The following TGFB1I1 variants were observed in gnomAD, a reference collection of about 807,000 sequenced individuals.
TGFB1I1 encodes transforming growth factor beta-1-induced transcript 1 protein.
In TGFB1I1, 33 loss-of-function variants were observed where a neutral mutation model predicts 52.0. The ratio of observed to expected loss-of-function variants is 0.63; its 90% confidence interval spans 0.48 to 0.85. The LOEUF (loss-of-function observed/expected upper bound fraction) is 0.85, where lower values mean the gene tolerates loss of function less well. TGFB1I1 is among the 40% of genes least tolerant of loss of function. TGFB1I1 has a pLI of 0.00. For missense variants in TGFB1I1, 577 were observed against 614.9 expected (o/e 0.94, Z 0.65); for synonymous variants, 236 against 253.3 (o/e 0.93, Z 0.65).
chr16:31,475,821 C>T, intron 7 of TGFB1I1, 191 bp from the exon 8 acceptor site: 1 of 620,510 alleles, frequency 1.6e-6, no homozygotes, highest in Non-Finnish European at 2.8e-6. Context: ...ATGTATAGGT[C>T]AATCCTGGAG....
rs2082409123 is a variant in TGFB1I1, at chr16:31,474,317, G to GGCTCTGAGAT, written c.414-31_414-22dup. On this transcript the variant is annotated intron_variant, in intron 5 of 10. Transcript: ENST00000394863. This position sits in a 1 kb window ranked among gnomAD's most constrained non-coding sequence, Gnocchi z 4.2. Reference sequence around the variant, plus strand: ...CACTAGAGGGAGCGTTGCTCTGGGAGGCTCTGAGATGACACAAGCATGTTC... The same window carrying GGCTCTGAGAT: ...CACTAGAGGGAGCGTTGCTCTGGGAGGCTCTGAGATGCTCTGAGATGACACAAGCATGTTC... The GGCTCTGAGAT allele has an allele frequency of 6.2e-7, 1 of 1,613,828 alleles. No individual in the cohort carries two copies. Among genetic ancestry groups the GGCTCTGAGAT allele is most frequent in the Non-Finnish European group, 8.5e-7 (1 of 1,179,860 alleles).
At chr16:31,472,364 C>T in intron 1 of TGFB1I1, 163 bp downstream of exon 1, 2 of 1,209,688 alleles carry the variant, frequency 1.7e-6, no homozygotes, top group Non-Finnish European at 2.1e-6. Flanking sequence ...CTGCCTCTCC[C>T]TTCCTGCCTT....
intron 7 of TGFB1I1, 95 bp from the exon 8 acceptor site, chr16:31,475,917 G>A (rs964312165): frequency 1.3e-5 from 17 of 1,302,230 alleles, no homozygotes; most frequent in Non-Finnish European, 1.7e-5. Flanking sequence ...TATTCTGATC[G>A]CTCAGAGAGG....
In TGFB1I1 at chr16:31,477,735, G is replaced by C; in HGVS notation, c.*159G>C. 1 of 1,000,102 alleles carries C rather than the reference G, an allele frequency of 1.0e-6. No individual in the cohort carries two copies. The allele number at this position is 1,000,102 out of a possible 1,614,324, so 62.0% of individuals were successfully genotyped here. A position where few individuals can be genotyped will look rare whatever the true frequency, so the allele number is the denominator to read the frequency against. On this transcript the variant is annotated 3_prime_UTR_variant, in exon 11 of 11. Coordinates refer to ENST00000394863, the MANE Select transcript of TGFB1I1 (RefSeq NM_001042454.3). This position sits in a 1 kb window ranked among gnomAD's most constrained non-coding sequence, Gnocchi z 4.7. The stretch of plus-strand genomic sequence containing the variant: ...GTCCTCAGGGGTCAAGTTCAGAAAC[G>C]GCCCAGCCAGACCTAAACCCACACG...
At chr16:31,472,848 C>G (rs1044456884) in intron 1 of TGFB1I1, 1 of 152,516 alleles carries the variant, frequency 6.6e-6, no homozygotes, top group Non-Finnish European at 1.5e-5. Flanking sequence ...ATCTCGTCCT[C>G]CCTGCGAAGC....
Position 31,474,471 on chromosome 16 carries a change from G to C in TGFB1I1, c.519+16G>C. 6.2e-7 allele frequency: 1 copy of C among 1,614,030 alleles called. No homozygotes were observed. The highest frequency in any genetic ancestry group is 8.5e-7 in the Non-Finnish European group (1 of 1,180,004). On this transcript the variant is annotated intron_variant, in intron 6 of 10. Transcript: ENST00000394863. The surrounding 1 kb of genome is among the most constrained non-coding windows in gnomAD (Gnocchi z 4.2). ...TCAAAACCATGTGAGTTGGGCAGTG[G>C]GCCAGTGTCCATTTGTGGCTCCCCA...
chr16:31,474,009 G>C lies in TGFB1I1; in HGVS notation c.325+32G>C, dbSNP rs763833415. Reference sequence around the variant, plus strand: ...GGGTGACTGAGAGAGGCCTTGATGCGATAGGGGCAGGGGAGGGAAGGGTGG... The same window carrying C: ...GGGTGACTGAGAGAGGCCTTGATGCCATAGGGGCAGGGGAGGGAAGGGTGG... On this transcript the variant is annotated intron_variant, in intron 4 of 10. Coordinates refer to ENST00000394863, the MANE Select transcript of TGFB1I1 (RefSeq NM_001042454.3). The surrounding 1 kb of genome is among the most constrained non-coding windows in gnomAD (Gnocchi z 4.2). 5.2e-6 allele frequency: 7 copies of C among 1,358,824 alleles called. No homozygotes were observed. The highest frequency in any genetic ancestry group is 6.2e-6 in the Non-Finnish European group (6 of 968,780). The allele number at this position is 1,358,824 out of a possible 1,614,324, so 84.2% of individuals were successfully genotyped here. A position where few individuals can be genotyped will look rare whatever the true frequency, so the allele number is the denominator to read the frequency against.
In TGFB1I1 at chr16:31,472,257, TC is replaced by T. The variant is rs2082395655; in HGVS notation, c.13+60del. On this transcript the variant is annotated intron_variant, in intron 1 of 10. Coordinates refer to ENST00000394863, the MANE Select transcript of TGFB1I1 (RefSeq NM_001042454.3). ...CCCCTCACCGCTGCCCAGAGCTGCC[TC>T]CCCGCCGTCGCTCTCCCGCATCTCC... is the stretch of plus-strand genomic sequence containing the variant. The T allele has an allele frequency of 1.9e-5, 27 of 1,427,200 alleles. No individual in the cohort carries two copies. In the South Asian group the frequency reaches 3.6e-4, roughly 19 times the overall value. 88.4% of individuals were successfully genotyped at this position (1,427,200 alleles called of 1,614,324 possible). A position where few individuals can be genotyped will look rare whatever the true frequency, so the allele number is the denominator to read the frequency against.
Position 31,477,039 on chromosome 16 carries a change from G to C in TGFB1I1, c.1119+29G>C. ...CGAGCTGCGGGGCGGGGCGTTGGAG[G>C]GGCGGGTCAAGGGTACAGGGCTGTG... On this transcript the variant is annotated intron_variant, in intron 10 of 10. Transcript: ENST00000394863. The surrounding 1 kb of genome is among the most constrained non-coding windows in gnomAD (Gnocchi z 4.7). The C allele has an allele frequency of 6.5e-6, 10 of 1,545,946 alleles. No individual in the cohort carries two copies. The highest frequency in any genetic ancestry group is 8.7e-6 in the Non-Finnish European group (10 of 1,155,176).
Position 31,477,254 on chromosome 16 carries a change from T to C in TGFB1I1, c.1120-56T>C. 6.4e-7 allele frequency: 1 copy of C among 1,553,824 alleles called. No individual in the cohort carries two copies. The highest frequency in any genetic ancestry group is 1.2e-5 in the South Asian group (1 of 81,746). ...GGGCGTTATCCGCTAGTAACGCGCG[T>C]TGTCTGGCAGTGGCCGCTGACCTGT... On this transcript the variant is annotated intron_variant, in intron 10 of 10. Coordinates refer to ENST00000394863, the MANE Select transcript of TGFB1I1 (RefSeq NM_001042454.3). The surrounding 1 kb of genome is among the most constrained non-coding windows in gnomAD (Gnocchi z 4.7).
At position 31,472,160 on chromosome 16, in the gene TGFB1I1, C is replaced by A. The variant is rs749282105; in HGVS notation, c.-29C>A. On this transcript the variant is annotated 5_prime_UTR_variant, in exon 1 of 11. Transcript: ENST00000394863. ...CACCGGACACGGCCCCCGCCCTGTT[C>A]GCCCCGCGCCACCGGCCCGCGCCCC... The A allele has an allele frequency of 2.1e-5, 23 of 1,074,360 alleles. No homozygotes were observed. Among genetic ancestry groups the A allele is most frequent in the Admixed American group, 3.6e-5 (1 of 27,926 alleles). The allele number at this position is 1,074,360 out of a possible 1,614,324, so 66.6% of individuals were successfully genotyped here.
Position 31,477,405 on chromosome 16 carries a change from C to A in TGFB1I1, c.1215C>A (p.Cys405Ter). 1 of 1,608,466 alleles carries A rather than the reference C, an allele frequency of 6.2e-7. No homozygotes were observed. The highest frequency in any genetic ancestry group is 8.5e-7 in the Non-Finnish European group (1 of 1,178,022). ...NHFHARRGSLCATCGLPVTGR... is the reference protein window; with the variant it reads ...NHFHARRGSL Reference sequence around the variant, plus strand: ...TCCACGCACGACGCGGCTCGCTGTGCGCCACGTGTGGCCTCCCTGTGACCG... The same window carrying A: ...TCCACGCACGACGCGGCTCGCTGTGAGCCACGTGTGGCCTCCCTGTGACCG... The change falls in exon 11 of 11, where the codon TGC becomes TGA. Residue 405 changes from cysteine (C) to a stop codon, truncating the protein, a stop_gained. Transcript: ENST00000394863. LOFTEE classifies it high-confidence loss of function. This position sits in a 1 kb window ranked among gnomAD's most constrained non-coding sequence, Gnocchi z 4.7.
At position 31,477,348 on chromosome 16, in the gene TGFB1I1, G is replaced by A. The variant is rs2142600966; in HGVS notation, c.1158G>A (p.Glu386=). The change falls in exon 11 of 11, where the codon GAG becomes GAA. Residue 386 remains glutamate, a synonymous_variant. Transcript: ENST00000394863. This position sits in a 1 kb window ranked among gnomAD's most constrained non-coding sequence, Gnocchi z 4.7. ...FAPFSGGSFF[E]HEGRPLCENH... The stretch of plus-strand genomic sequence containing the variant: ...CCTTCTCGGGAGGCAGCTTTTTCGA[G>A]CACGAGGGCCGCCCGTTGTGCGAGA... 2 of 1,611,362 alleles carry A rather than the reference G, an allele frequency of 1.2e-6. No homozygotes were observed. The highest frequency in any genetic ancestry group is 2.2e-5 in the East Asian group (1 of 44,826).
In TGFB1I1 at chr16:31,477,173, G is replaced by A. The variant is rs2082431090; in HGVS notation, c.1120-137G>A. On this transcript the variant is annotated intron_variant, in intron 10 of 10. Transcript: ENST00000394863. This position sits in a 1 kb window ranked among gnomAD's most constrained non-coding sequence, Gnocchi z 4.7. ...GAACCTCGGGTGGGGCGAGTTTTCC[G>A]GGCAGGGTCCCACCGGACGGGATTC... 2 of 1,437,918 alleles carry A rather than the reference G, an allele frequency of 1.4e-6. No homozygotes were observed. The allele number at this position is 1,437,918 out of a possible 1,614,324, so 89.1% of individuals were successfully genotyped here.
Position 31,473,847 on chromosome 16 carries a change from G to A in TGFB1I1, c.195G>A (p.Lys65=). Residue 65 remains lysine, a synonymous_variant, in exon 4 of 11, where the codon AAG becomes AAA. Transcript: ENST00000394863. ...DKDHLYSTVC[K]PRSPKPAAPA... Reference sequence around the variant, plus strand: ...CTCTGCTTCCCAGCACGGTATGCAAGCCTCGGTCCCCAAAGCCTGCAGCCC... The same window carrying A: ...CTCTGCTTCCCAGCACGGTATGCAAACCTCGGTCCCCAAAGCCTGCAGCCC... 1.2e-6 allele frequency: 2 copies of A among 1,614,144 alleles called. No homozygotes were observed. The highest frequency in any genetic ancestry group is 1.7e-6 in the Non-Finnish European group (2 of 1,180,020).
chr16:31,477,819 A>C lies in TGFB1I1; in HGVS notation c.*243A>C. The C allele has an allele frequency of 7.6e-6, 4 of 527,094 alleles. No homozygotes were observed. The highest frequency in any genetic ancestry group is 3.7e-5 in the Admixed American group (1 of 27,240). The allele number at this position is 527,094 out of a possible 1,614,324, so 32.7% of individuals were successfully genotyped here. A position where few individuals can be genotyped will look rare whatever the true frequency, so the allele number is the denominator to read the frequency against. ...CCGTGCGGGCCTCCACTCTATTCCC[A>C]CCCTTGAGGGAGCCCCCTTACTGGG... On this transcript the variant is annotated 3_prime_UTR_variant, in exon 11 of 11. Coordinates refer to ENST00000394863, the MANE Select transcript of TGFB1I1 (RefSeq NM_001042454.3). This position sits in a 1 kb window ranked among gnomAD's most constrained non-coding sequence, Gnocchi z 4.7.
In TGFB1I1 at chr16:31,476,388, A is replaced by T; in HGVS notation, c.889-93A>T. On this transcript the variant is annotated intron_variant, in intron 8 of 10. Transcript: ENST00000394863. The surrounding 1 kb of genome is among the most constrained non-coding windows in gnomAD (Gnocchi z 7.6). ...AGTTAGATCTTCTCCCCCTCCCCCC[A>T]CGCATGCCTTAGTCCAGTCACCCGG... The T allele has an allele frequency of 3.4e-6, 4 of 1,179,068 alleles. No individual in the cohort carries two copies. In the South Asian group the frequency reaches 6.2e-5, roughly 18 times the overall value. 73.0% of individuals were successfully genotyped at this position (1,179,068 alleles called of 1,614,324 possible). A position where few individuals can be genotyped will look rare whatever the true frequency, so the allele number is the denominator to read the frequency against.
Position 31,476,716 on chromosome 16 carries a change from C to T in TGFB1I1, c.971-146C>T. On this transcript the variant is annotated intron_variant, in intron 9 of 10. Transcript: ENST00000394863. The surrounding 1 kb of genome is among the most constrained non-coding windows in gnomAD (Gnocchi z 7.6). The stretch of plus-strand genomic sequence containing the variant: ...TACACAGACTCCGGACCCGAGCCCT[C>T]CCCGCTCTGTCCCGCCATAGACCCG... The T allele has an allele frequency of 2.7e-6, 4 of 1,472,510 alleles. No individual in the cohort carries two copies. The highest frequency in any genetic ancestry group is 3.7e-6 in the Non-Finnish European group (4 of 1,091,132). The allele number at this position is 1,472,510 out of a possible 1,614,324, so 91.2% of individuals were successfully genotyped here.
chr16:31,472,446 G>C (rs1596610857), intron 1 of TGFB1I1: 1 of 762,580 alleles, frequency 1.3e-6, no homozygotes, highest in African/African-American at 1.8e-5. Context: ...AGATGGAACG[G>C]GAGGTGCGGC....
Sources: allele counts gnomAD v4.1 joint callset, GRCh38; gene constraint gnomAD v4.1.1; non-coding constraint Gnocchi (gnomAD v3.1); transcripts MANE v1.5; gene names NCBI Gene and HGNC (gene_info 2026-07-23, HGNC 2026-07-21).